The following KATNAL2 variants were observed in gnomAD, a reference collection of about 807,000 sequenced individuals.
KATNAL2 encodes the protein katanin p60 ATPase-containing subunit A-like 2.
In KATNAL2, 52 loss-of-function variants were observed where a neutral mutation model predicts 76.3. The ratio of observed to expected loss-of-function variants is 0.68; its 90% CI spans 0.55 to 0.86. The LOEUF (loss-of-function observed/expected upper bound fraction) is 0.86. Among genes scored for constraint, KATNAL2 ranks in the 40% least tolerant of loss-of-function variants. The pLI, the probability that KATNAL2 is intolerant of heterozygous loss-of-function variation, is 0.00. For missense variants in KATNAL2, 660 were observed against 668.9 expected, an observed-to-expected ratio of 0.99 and a Z score of 0.15; for synonymous variants, 243 against 244.2, an observed-to-expected ratio of 1.00 and a Z score of 0.05.
intron 1 of KATNAL2, among the ~76,000 whole-genome samples, chr18:46,923,603 C>T (rs1409096234): frequency 2.0e-5 from 3 of 152,142 alleles, no homozygotes; most frequent in Non-Finnish European, 2.9e-5. Context: ...AATGGGACGG[C>T]TGGGTCAAAT....
chr18:47,031,986 A>G (rs2060484207), intron 3 of KATNAL2, among the ~76,000 whole-genome samples: 1 of 152,200 alleles, frequency 6.6e-6, no homozygotes, highest in Non-Finnish European at 1.5e-5. Flanking sequence ...GTTTTAAGAA[A>G]GCTAGCAGAC....
At chr18:46,947,134 T>G (rs1457479478) in intron 3 of KATNAL2, among the ~76,000 whole-genome samples, 1 of 152,080 alleles carries the variant, frequency 6.6e-6, no homozygotes, top group Non-Finnish European at 1.5e-5. Context: ...CAGGCGGGTT[T>G]GGGGGTGACA....
At chr18:47,082,253 C>G (rs1413108816) in intron 15 of KATNAL2, among the ~76,000 whole-genome samples, 4 of 152,180 alleles carry the variant, frequency 2.6e-5, no homozygotes, top group Non-Finnish European at 2.9e-5. Flanking sequence ...GTGGGACTGT[C>G]CTGTGCATTG....
intron 4 of KATNAL2, among the ~76,000 whole-genome samples, chr18:47,048,687 C>G (rs1453163889): frequency 6.6e-6 from 1 of 152,138 alleles, no homozygotes; most frequent in Non-Finnish European, 1.5e-5. Context: ...CTGCTCTGCT[C>G]TATTCACCAG....
chr18:46,962,057 A>C (rs2059990803), intron 3 of KATNAL2, among the ~76,000 whole-genome samples: 1 of 152,202 alleles, frequency 6.6e-6, no homozygotes, highest in Admixed American at 6.5e-5. Context: ...ATATAATATG[A>C]GGAAATGCAT....
intron 3 of KATNAL2, chr18:47,033,958 CT>C: frequency 6.2e-7 from 1 of 1,613,224 alleles, no homozygotes; most frequent in Non-Finnish European, 8.5e-7. Context: ...CTCTGACTGG[CT>C]TTCCTGGACA....
At chr18:46,961,636 G>T (rs865884469) in intron 3 of KATNAL2, among the ~76,000 whole-genome samples, 1 of 152,152 alleles carries the variant, frequency 6.6e-6, no homozygotes, top group South Asian at 2.1e-4. Flanking sequence ...AACCTATACA[G>T]GCATATGTGC....
chr18:47,073,833 C>T (rs931112316), intron 13 of KATNAL2, among the ~76,000 whole-genome samples: 2 of 152,156 alleles, frequency 1.3e-5, no homozygotes, highest in African/African-American at 4.8e-5. Context: ...AAACACTTAC[C>T]CATGATTCTG....
At chr18:46,919,175 A>AC (rs1263161862) in intron 1 of KATNAL2, among the ~76,000 whole-genome samples, 5 of 151,236 alleles carry the variant, frequency 3.3e-5, no homozygotes, top group Admixed American at 3.3e-4. Context: ...ACATGGTGAA[A>AC]CCCTGTCTCT....
intron 15 of KATNAL2, among the ~76,000 whole-genome samples, chr18:47,081,949 C>T (rs561939740): frequency 3.1e-4 from 47 of 152,238 alleles, no homozygotes; most frequent in African/African-American, 1.1e-3. Context: ...GCTAGTATTT[C>T]CCATTCAGAT....
chr18:47,067,089 A>T lies in KATNAL2; in HGVS notation c.795A>T (p.Leu265Phe), dbSNP rs144670988. Residue 265 changes from leucine (L) to phenylalanine (F), a missense_variant, in exon 11 of 18, where the codon TTA (leucine) becomes TTT (phenylalanine). Physicochemically the swap from Leu to Phe is conservative, Grantham distance 22. Coordinates refer to ENST00000683218, the MANE Select transcript of KATNAL2 (RefSeq NM_001387690.1). The stretch of plus-strand genomic sequence containing the variant: ...TTGGACTTGATGCAGCCAAGCAGTT[A>T]GTCAAAGAAGCTGTTGTGTATCCTA... ...DIIGLDAAKQ[L>F]VKEAVVYPIR... The T allele has an allele frequency of 7.6e-6, 12 of 1,582,778 alleles. No individual in the cohort carries two copies. The African/African-American group carries it at 1.5e-4, about 19-fold the overall frequency.
intron 10 of KATNAL2, among the ~76,000 whole-genome samples, chr18:47,066,340 T>C (rs928284077): frequency 6.6e-6 from 1 of 152,146 alleles, no homozygotes; most frequent in Non-Finnish European, 1.5e-5. Context: ...AACTGTAAAT[T>C]AGTTATCAGT....
intron 4 of KATNAL2, among the ~76,000 whole-genome samples, chr18:47,049,563 C>A (rs1012871395): frequency 1.3e-5 from 2 of 152,160 alleles, no homozygotes; most frequent in Non-Finnish European, 2.9e-5. Context: ...GTCAGGTAAG[C>A]TTGGCAGATA....
rs369159872 is a variant in KATNAL2, at chr18:47,035,268, A to G, written c.52-11189A>G. 2.6e-4 allele frequency: 420 copies of G among 1,612,156 alleles called. 1 individual carries two copies. Among genetic ancestry groups the G allele is most frequent in the East Asian group, 4.7e-4 (21 of 44,840 alleles). On this transcript the variant is annotated intron_variant, in intron 3 of 17. Coordinates refer to ENST00000683218, the MANE Select transcript of KATNAL2 (RefSeq NM_001387690.1). ...GCGTAGTGGACCCTGCCGCCATCTC[A>G]CCAGAGCTGTGCAGGCGTCGCTGTC...
At chr18:46,946,805 T>G in intron 2 of KATNAL2, 49 bp from the exon 3 acceptor site, 6 of 1,482,018 alleles carry the variant, frequency 4.0e-6, no homozygotes, top group Non-Finnish European at 5.5e-6. Flanking sequence ...TCAGGTTCCT[T>G]GGATCGACCG....
chr18:47,057,435 A>G (rs566413700), intron 6 of KATNAL2, among the ~76,000 whole-genome samples: 11 of 152,338 alleles, frequency 7.2e-5, no homozygotes, highest in African/African-American at 2.6e-4. Context: ...TGATCTTTCT[A>G]TGGATATATA....
intron 1 of KATNAL2, among the ~76,000 whole-genome samples, chr18:46,941,320 C>T (rs1005547498): frequency 1.3e-5 from 2 of 152,040 alleles, no homozygotes; most frequent in African/African-American, 4.8e-5. Context: ...ACCTGGGCAA[C>T]AAAGCCAGAC....
chr18:47,036,208 C>T (rs2060767982), intron 3 of KATNAL2, among the ~76,000 whole-genome samples: 1 of 152,172 alleles, frequency 6.6e-6, no homozygotes, highest in Non-Finnish European at 1.5e-5. Context: ...AGGTGGACGC[C>T]TCATGATCTC....
chr18:47,060,693 A>G (rs2061605046), intron 8 of KATNAL2, among the ~76,000 whole-genome samples: 1 of 151,990 alleles, frequency 6.6e-6, no homozygotes. Context: ...GAAAAACTGA[A>G]CTCTGTGTGT....
Sources: allele counts gnomAD v4.1 joint callset (sites outside exome capture counted in the v4.1 genomes callset), GRCh38; gene constraint gnomAD v4.1.1; transcripts MANE v1.5; gene names NCBI Gene and HGNC (gene_info 2026-07-23, HGNC 2026-07-21).